The following UST variants were observed in gnomAD, a reference collection of about 807,000 sequenced individuals.
UST encodes uronyl 2-sulfotransferase.
A neutral mutation model predicts 45.6 loss-of-function variants in UST; 21 were observed. The ratio of observed to expected loss-of-function variants is 0.46; its 90% CI spans 0.33 to 0.66. The LOEUF (loss-of-function observed/expected upper bound fraction) is 0.66, where lower values mean the gene tolerates loss of function less well. Ranked by LOEUF, UST falls within the 30% of genes least tolerant of loss-of-function variation. The pLI is 0.02. For missense variants in UST, 463 were observed against 512.4 expected, an observed-to-expected ratio of 0.90 and a Z score of 0.93; for synonymous variants, 215 against 200.6, an observed-to-expected ratio of 1.07 and a Z score of -0.61.
At chr6:148,896,404 C>T (rs1247282076) in intron 2 of UST, among the ~76,000 whole-genome samples, 1 of 152,222 alleles carries the variant, frequency 6.6e-6, no homozygotes, top group East Asian at 1.9e-4. Flanking sequence ...CCCTGCCTAG[C>T]ATGCTTCCAT....
intron 1 of UST, among the ~76,000 whole-genome samples, chr6:148,870,142 A>G (rs1582865770): frequency 6.8e-6 from 1 of 146,988 alleles, no homozygotes; most frequent in Non-Finnish European, 1.5e-5. Context: ...ACACACACAC[A>G]GTGGCAGCAG....
intron 1 of UST, among the ~76,000 whole-genome samples, chr6:148,870,103 T>TAC (rs1778519062): frequency 1.6e-5 from 1 of 63,378 alleles, no homozygotes; most frequent in Non-Finnish European, 2.9e-5. Flanking sequence ...GTGGTAATGT[T>TAC]TCACACACAC....
chr6:148,985,067 A>T (rs137875156), intron 5 of UST, among the ~76,000 whole-genome samples: 1 of 152,260 alleles, frequency 6.6e-6, no homozygotes, highest in East Asian at 1.9e-4. Flanking sequence ...GAATAACGGG[A>T]CGGATGTGCA....
intron 5 of UST, among the ~76,000 whole-genome samples, chr6:149,012,434 T>C (rs1437494980): frequency 6.6e-6 from 1 of 152,200 alleles, no homozygotes; most frequent in Non-Finnish European, 1.5e-5. Flanking sequence ...GGTCCACTTA[T>C]GGGTCAAGGA....
At chr6:149,032,742 C>A (rs760855537) in intron 7 of UST, among the ~76,000 whole-genome samples, 2 of 152,186 alleles carry the variant, frequency 1.3e-5, no homozygotes, top group Admixed American at 1.3e-4. Flanking sequence ...CAGATGCCCC[C>A]CTCTGTGTCT....
At chr6:149,052,897 A>G (rs1166732597) in intron 7 of UST, among the ~76,000 whole-genome samples, 1 of 152,228 alleles carries the variant, frequency 6.6e-6, no homozygotes, top group African/African-American at 2.4e-5. Flanking sequence ...TGTTTCAGTC[A>G]TGTCAGCAAC....
chr6:149,033,047 G>C (rs1005280077), intron 7 of UST, among the ~76,000 whole-genome samples: 2 of 152,140 alleles, frequency 1.3e-5, no homozygotes, highest in East Asian at 1.9e-4. Flanking sequence ...AAGCTGAAAG[G>C]CTTCTAAAGC....
chr6:148,796,623 CAAAAAAAAAAAAA>C (rs11465084), intron 1 of UST, among the ~76,000 whole-genome samples: 15 of 88,948 alleles, frequency 1.7e-4, no homozygotes, highest in Admixed American at 3.8e-4. Flanking sequence ...GACTCTGTCT[CAAAAAAAAAAAAA>C]AAAAAAAAAA....
At chr6:148,985,284 C>T (rs996528118) in intron 5 of UST, among the ~76,000 whole-genome samples, 2 of 152,120 alleles carry the variant, frequency 1.3e-5, no homozygotes, top group African/African-American at 4.8e-5. Flanking sequence ...CAGTAATTAT[C>T]TGCTGAAGTT....
At chr6:148,877,247 G>A (rs1465096999) in intron 1 of UST, among the ~76,000 whole-genome samples, 1 of 34,928 alleles carries the variant, frequency 2.9e-5, no homozygotes, top group African/African-American at 1.2e-4. Context: ...GGGGGGTCGT[G>A]TGTGGGTGCG....
intron 1 of UST, among the ~76,000 whole-genome samples, chr6:148,874,360 G>A (rs891406949): frequency 1.3e-5 from 2 of 152,202 alleles, no homozygotes; most frequent in African/African-American, 4.8e-5. Context: ...AAAAAAAGAT[G>A]TGTTATAAAA....
chr6:148,931,038 A>T (rs1415231844), intron 2 of UST, among the ~76,000 whole-genome samples: 1 of 152,228 alleles, frequency 6.6e-6, no homozygotes, highest in Non-Finnish European at 1.5e-5. Context: ...CTGTTTCCCC[A>T]GCCTTTATAC....
intron 1 of UST, among the ~76,000 whole-genome samples, chr6:148,777,519 C>T (rs1776558444): frequency 6.6e-6 from 1 of 152,144 alleles, no homozygotes; most frequent in Non-Finnish European, 1.5e-5. Context: ...GATTATAATA[C>T]TCTATTTTTA....
intron 5 of UST, among the ~76,000 whole-genome samples, chr6:148,979,983 AT>A (rs1477741533): frequency 6.6e-6 from 1 of 152,142 alleles, no homozygotes; most frequent in Non-Finnish European, 1.5e-5. Context: ...TTTGTTTGGA[AT>A]GGTGGGTTTC....
At chr6:148,835,639 C>T (rs1351222785) in intron 1 of UST, among the ~76,000 whole-genome samples, 2 of 152,164 alleles carry the variant, frequency 1.3e-5, no homozygotes, top group Non-Finnish European at 2.9e-5. Context: ...AAAATGGGCA[C>T]TATGATTGTA....
At chr6:149,036,150 A>G (rs2115028586) in intron 7 of UST, among the ~76,000 whole-genome samples, 1 of 152,268 alleles carries the variant, frequency 6.6e-6, no homozygotes, top group East Asian at 1.9e-4. Flanking sequence ...AACTATCTGG[A>G]GACTGATCCT....
chr6:149,037,691 G>A (rs1242120133), intron 7 of UST, among the ~76,000 whole-genome samples: 1 of 152,260 alleles, frequency 6.6e-6, no homozygotes, highest in African/African-American at 2.4e-5. Context: ...ACCAGCCCGT[G>A]ACGAGATAAG....
intron 1 of UST, among the ~76,000 whole-genome samples, chr6:148,839,600 T>C (rs1777852992): frequency 6.6e-6 from 1 of 152,202 alleles, no homozygotes; most frequent in African/African-American, 2.4e-5. Context: ...GCTACACCTA[T>C]GGTTTTCAAA....
chr6:148,971,738 G>A (rs1466166089), intron 5 of UST, among the ~76,000 whole-genome samples: 1 of 152,206 alleles, frequency 6.6e-6, no homozygotes, highest in Non-Finnish European at 1.5e-5. Flanking sequence ...GCAGGTGGTG[G>A]GCCCCACAGA....
Sources: gnomAD v4.1 joint callset for allele counts (sites outside exome capture counted in the v4.1 genomes callset) on GRCh38, gnomAD v4.1.1 for gene constraint, MANE v1.5 for transcripts, NCBI Gene and HGNC (gene_info 2026-07-23, HGNC 2026-07-21) for gene names.